Variants in FAM120C observed in about 807,000 individuals in gnomAD.
FAM120C encodes family with sequence similarity 120 member C, also known as constitutive coactivator of PPAR-gamma-like protein 2.
FAM120C carries 14 observed loss-of-function variants against 71.2 expected under a neutral mutation model. The observed-to-expected ratio is 0.20, with a 90% confidence interval of 0.13 to 0.31. The LOEUF (loss-of-function observed/expected upper bound fraction) is 0.31. FAM120C is among the 10% of genes least tolerant of loss of function. The pLI, the probability that FAM120C is intolerant of heterozygous loss-of-function variation, is 1.00. For synonymous variants in FAM120C, 354 were observed against 353.2 expected (o/e 1.00, Z -0.03); for missense variants, 500 against 879.0 (o/e 0.57, Z 5.45).
At chrX:54,129,792 CG>C (rs1288928618) in intron 9 of FAM120C, among the ~76,000 whole-genome samples, 1 of 112,163 alleles carries the variant, frequency 8.9e-6, no homozygotes, top group Non-Finnish European at 1.9e-5. Flanking sequence ...CCGAGGCTGG[CG>C]GATCACTTGC....
At chrX:54,161,871 A>T in intron 1 of FAM120C, among the ~76,000 whole-genome samples, 1 of 112,372 alleles carries the variant, frequency 8.9e-6, no homozygotes, top group Non-Finnish European at 1.9e-5. Context: ...ACCCCAGGTG[A>T]TCCACCGGCC....
chrX:54,078,242 C>T (rs1195817170), intron 15 of FAM120C, among the ~76,000 whole-genome samples: 1 of 110,061 alleles, frequency 9.1e-6, no homozygotes, highest in Non-Finnish European at 1.9e-5. Flanking sequence ...CGCGCCCGGC[C>T]GAGATCTACT....
At chrX:54,134,087 A>G in intron 7 of FAM120C, 41 bp from the exon 8 acceptor site, 2 of 1,161,131 alleles carry the variant, frequency 1.7e-6, no homozygotes, top group Non-Finnish European at 1.2e-6. Context: ...GAAAAGGGAG[A>G]TTGATAAAGA....
At chrX:54,100,442 G>A (rs782661215) in intron 10 of FAM120C, among the ~76,000 whole-genome samples, 8 of 111,630 alleles carry the variant, frequency 7.2e-5, no homozygotes, top group South Asian at 7.6e-4. Flanking sequence ...GCAGTGAGCC[G>A]GGATTGTGCA....
intron 10 of FAM120C, among the ~76,000 whole-genome samples, chrX:54,092,256 A>G (rs1481696405): frequency 2.7e-5 from 3 of 111,090 alleles, no homozygotes; most frequent in Non-Finnish European, 5.7e-5. Flanking sequence ...AAAAAAATGA[A>G]AAGAAGGCTG....
At chrX:54,154,004 G>A in intron 3 of FAM120C, among the ~76,000 whole-genome samples, 1 of 108,747 alleles carries the variant, frequency 9.2e-6, no homozygotes. Context: ...CCCGGCCAAG[G>A]ATTTTGAATG....
intron 10 of FAM120C, among the ~76,000 whole-genome samples, chrX:54,101,279 G>A (rs938901782): frequency 2.7e-5 from 3 of 111,235 alleles, no homozygotes; most frequent in Non-Finnish European, 3.8e-5. Context: ...CAGCTTTCCC[G>A]AGGTGGCACA....
Position 54,182,947 on chromosome X carries a change from G to A in FAM120C, c.252C>T (p.His84=), listed in dbSNP as rs374084502. ...AYSGGAGPTR[H]HHPAHHFHHH... Reference sequence around the variant, plus strand: ...GGTGGAAGTGGTGAGCGGGGTGATGGTGCCGAGTCGGCCCCGCGCCCCCGG... The same window carrying A: ...GGTGGAAGTGGTGAGCGGGGTGATGATGCCGAGTCGGCCCCGCGCCCCCGG... The change falls in exon 1 of 16, where the codon CAC becomes CAT. Residue 84 remains histidine (H), a synonymous_variant. Transcript: ENST00000375180. 3.4e-6 allele frequency: 4 copies of A among 1,159,667 alleles called. No homozygotes were observed. The African/African-American group carries it at 5.4e-5, about 16-fold the overall frequency.
chrX:54,156,881 T>C (rs1367866357), intron 3 of FAM120C, among the ~76,000 whole-genome samples: 34 of 84,290 alleles, frequency 4.0e-4, no homozygotes, highest in East Asian at 3.5e-4. Flanking sequence ...AGTAAGACTT[T>C]GCCTCAAAAA....
chrX:54,082,724 T>G (rs2066772984), intron 13 of FAM120C, among the ~76,000 whole-genome samples: 1 of 111,398 alleles, frequency 9.0e-6, no homozygotes, highest in South Asian at 3.8e-4. Context: ...CTACTTTTGA[T>G]ACAAATATAC....
chrX:54,128,981 G>A (rs1330472109), intron 9 of FAM120C, among the ~76,000 whole-genome samples: 1 of 110,681 alleles, frequency 9.0e-6, no homozygotes, highest in Non-Finnish European at 1.9e-5. Flanking sequence ...TCAATGAGCT[G>A]TTGGGTACAC....
chrX:54,091,438 A>C lies in FAM120C; in HGVS notation c.2313-12T>G. The stretch of plus-strand genomic sequence containing the variant: ...ACTGAACCATGTACCTAGAAAATAA[A>C]AGCACTGTTATTAGGCCACAAAAGC... On this transcript the variant is annotated splice_polypyrimidine_tract_variant and intron_variant, in intron 10 of 15. Transcript: ENST00000375180. The C allele has an allele frequency of 1.7e-6, 2 of 1,146,348 alleles. No individual in the cohort carries two copies. Among genetic ancestry groups the C allele is most frequent in the South Asian group, 3.7e-5 (2 of 54,126 alleles). The allele number at this position is 1,146,348 out of a possible 1,213,427, so 94.5% of individuals were successfully genotyped here.
intron 1 of FAM120C, among the ~76,000 whole-genome samples, chrX:54,168,752 G>A (rs1490975294): frequency 8.9e-6 from 1 of 111,800 alleles, no homozygotes; most frequent in African/African-American, 3.3e-5. Context: ...AGTAACAAGA[G>A]CCAAGAGTCT....
chrX:54,141,460 C>T (rs895907596), intron 4 of FAM120C, among the ~76,000 whole-genome samples: 5 of 110,723 alleles, frequency 4.5e-5, no homozygotes, highest in Non-Finnish European at 1.9e-5. Context: ...ACCCAGGAAA[C>T]TAGGAATAGA....
At chrX:54,127,477 G>A (rs2067033655) in intron 9 of FAM120C, among the ~76,000 whole-genome samples, 1 of 105,466 alleles carries the variant, frequency 9.5e-6, no homozygotes, top group South Asian at 4.5e-4. Flanking sequence ...TGTAGTCCCA[G>A]CTACTCGGGA....
At chrX:54,087,728 G>A in intron 12 of FAM120C, 27 bp downstream of exon 12, 2 of 1,191,661 alleles carry the variant, frequency 1.7e-6, no homozygotes, top group Non-Finnish European at 2.3e-6. Context: ...ATCAGAGCTA[G>A]TCCTTAGCAG....
chrX:54,162,837 C>T lies in FAM120C; in HGVS notation c.700-3221G>A, dbSNP rs56290423. 4.4e-3 allele frequency among the ~76,000 whole-genome samples: 493 copies of T among 111,789 alleles called. 1 individual carries two copies. The highest frequency in any genetic ancestry group is 6.7e-3 in the Non-Finnish European group (357 of 53,177). ...TTATTATCTTCATTTTAAAGACAAACGATCAATGAGGGTCAGAGGTTAGAG... is the reference window on the plus strand; with the variant it reads ...TTATTATCTTCATTTTAAAGACAAATGATCAATGAGGGTCAGAGGTTAGAG... On this transcript the variant is annotated intron_variant, in intron 1 of 15. Coordinates refer to ENST00000375180, the MANE Select transcript of FAM120C (RefSeq NM_017848.6).
chrX:54,129,234 G>T (rs1318524233), intron 9 of FAM120C, among the ~76,000 whole-genome samples: 1 of 109,118 alleles, frequency 9.2e-6, no homozygotes, highest in African/African-American at 3.3e-5. Context: ...CGGGGTGGCT[G>T]CCGGGCGGAG....
chrX:54,181,382 C>A (rs2067349050), intron 1 of FAM120C, among the ~76,000 whole-genome samples: 1 of 111,128 alleles, frequency 9.0e-6, no homozygotes. Context: ...TTCCTGCCCA[C>A]CTCCTTTACT....
Sources: gnomAD v4.1 joint callset for allele counts (sites outside exome capture counted in the v4.1 genomes callset) on GRCh38, gnomAD v4.1.1 for gene constraint, MANE v1.5 for transcripts, NCBI Gene and HGNC (gene_info 2026-07-23, HGNC 2026-07-21) for gene names.